The following ARFIP1 variants were observed in gnomAD, a reference collection of about 807,000 sequenced individuals.
ARFIP1 encodes arfaptin-1.
A neutral mutation model predicts 42.5 loss-of-function variants in ARFIP1; 24 were observed. That is an observed-to-expected ratio of 0.57 (90% CI 0.41 to 0.80). The LOEUF (loss-of-function observed/expected upper bound fraction) is 0.80, where lower values mean the gene tolerates loss of function less well. Among genes scored for constraint, ARFIP1 ranks in the 30% least tolerant of loss-of-function variants. The pLI is 0.00. For missense variants in ARFIP1, 354 were observed against 434.0 expected (o/e 0.82, Z 1.64); for synonymous variants, 141 against 153.7 (o/e 0.92, Z 0.61).
intron 7 of ARFIP1, among the ~76,000 whole-genome samples, chr4:152,887,645 A>C (rs1226613865): frequency 6.6e-6 from 1 of 152,106 alleles, no homozygotes; most frequent in Admixed American, 6.6e-5. Flanking sequence ...ATTTCATTGT[A>C]ACTACTAGAA....
rs548030702 is a variant in ARFIP1, at chr4:152,903,341, A to G, written c.967-6723A>G. Among the ~76,000 whole-genome samples the G allele has an allele frequency of 2.6e-5, 4 of 152,340 alleles. No individual in the cohort carries two copies. In the South Asian group the frequency reaches 8.3e-4, roughly 32 times the overall value. ...ACACTACCAAAGTTAAGCTTGTACT[A>G]CATTACAGTAACCAATACTAATAGA... On this transcript the variant is annotated intron_variant, in intron 8 of 8. Transcript: ENST00000353617.
At position 152,903,626 on chromosome 4, in the gene ARFIP1, A is replaced by C. The variant is rs559921246; in HGVS notation, c.967-6438A>C. ...CAGTCTTCTAACAATTACTGGGAGA[A>C]TGTTTCTTGTGTATATGGGTATTGT... is the stretch of plus-strand genomic sequence containing the variant. On this transcript the variant is annotated intron_variant, in intron 8 of 8. Transcript: ENST00000353617. Among the ~76,000 whole-genome samples the C allele has an allele frequency of 1.6e-3, 244 of 152,228 alleles. 3 individuals are homozygous for C. The highest frequency in any genetic ancestry group is 0.016 in the Admixed American group (243 of 15,282).
chr4:152,897,985 T>C lies in ARFIP1; in HGVS notation c.966+9678T>C, dbSNP rs78017759. ...TAAGAATTTGACTTTGCAATGTTCT[T>C]TTTTTTTTTTTTTTTTTGAGACGAG... On this transcript the variant is annotated intron_variant, in intron 8 of 8. Coordinates refer to ENST00000353617, the MANE Select transcript of ARFIP1 (RefSeq NM_001025595.3). 2.1e-5 allele frequency among the ~76,000 whole-genome samples: 3 copies of C among 142,762 alleles called. No individual in the cohort carries two copies. In the East Asian group the frequency reaches 5.9e-4, roughly 28 times the overall value. The allele number at this position is 142,762 out of a possible 152,430, so 93.7% of individuals were successfully genotyped here.
intron 4 of ARFIP1, 42 bp downstream of exon 4, chr4:152,870,890 C>G (rs1708403783): frequency 6.8e-7 from 1 of 1,476,968 alleles, no homozygotes. Flanking sequence ...ATTGCTACTG[C>G]TGAAGCTACA....
intron 1 of ARFIP1, among the ~76,000 whole-genome samples, chr4:152,827,204 A>G (rs1369964067): frequency 2.0e-5 from 3 of 152,336 alleles, no homozygotes; most frequent in East Asian, 1.9e-4. Flanking sequence ...TCTAGGAACA[A>G]TTCTTTCATA....
At chr4:152,904,242 G>A (rs1385953504) in intron 8 of ARFIP1, among the ~76,000 whole-genome samples, 4 of 148,974 alleles carry the variant, frequency 2.7e-5, no homozygotes, top group African/African-American at 9.9e-5. Context: ...CCAGGCTGGA[G>A]TGCAGTGGCG....
chr4:152,859,880 T>C (rs1392354609), intron 2 of ARFIP1, among the ~76,000 whole-genome samples: 3 of 150,970 alleles, frequency 2.0e-5, no homozygotes, highest in Non-Finnish European at 4.4e-5. Flanking sequence ...GTTAATTATA[T>C]GGTTAGTTTC....
chr4:152,785,813 T>G (rs1486989632), intron 1 of ARFIP1, among the ~76,000 whole-genome samples: 1 of 152,216 alleles, frequency 6.6e-6, no homozygotes, highest in Non-Finnish European at 1.5e-5. Flanking sequence ...GCTATTTAAG[T>G]TAGTTAAAAT....
rs201739237 is a variant in ARFIP1, at chr4:152,874,663, C to CTGTT, written c.411+2115_411+2118dup. Among the ~76,000 whole-genome samples the CTGTT allele has an allele frequency of 9.6e-3, 1,458 of 152,110 alleles. 31 individuals carry two copies. The highest frequency in any genetic ancestry group is 0.033 in the African/African-American group (1,357 of 41,472). On this transcript the variant is annotated intron_variant, in intron 5 of 8. Coordinates refer to ENST00000353617, the MANE Select transcript of ARFIP1 (RefSeq NM_001025595.3). ...CAGGACTGTGCTTGTTATCCATTTACTGTTTGTTTGTTTGTTTGTGTAGAT... is the reference window on the plus strand; with the variant it reads ...CAGGACTGTGCTTGTTATCCATTTACTGTTTGTTTGTTTGTTTGTTTGTGTAGAT...
At chr4:152,804,419 A>ATATTATATATAATATAACATG (rs1728812865) in intron 1 of ARFIP1, among the ~76,000 whole-genome samples, 1 of 108,236 alleles carries the variant, frequency 9.2e-6, no homozygotes, top group African/African-American at 4.0e-5. Flanking sequence ...CATGTATTAT[A>ATATTATATATAATATAACATG]TATTATATAT....
At chr4:152,845,126 A>G (rs112845389) in intron 2 of ARFIP1, among the ~76,000 whole-genome samples, 104 of 152,358 alleles carry the variant, frequency 6.8e-4, no homozygotes, top group African/African-American at 2.4e-3. Flanking sequence ...TTTCTATTCA[A>G]TAAATGGTGA....
intron 2 of ARFIP1, among the ~76,000 whole-genome samples, chr4:152,839,855 T>C (rs1731924328): frequency 2.0e-5 from 3 of 152,222 alleles, no homozygotes; most frequent in South Asian, 2.1e-4. Flanking sequence ...CTTGTTTCTC[T>C]AGTTCCTTGA....
At chr4:152,782,574 AT>A (rs985314846) in intron 1 of ARFIP1, among the ~76,000 whole-genome samples, 41 of 152,112 alleles carry the variant, frequency 2.7e-4, no homozygotes, top group Admixed American at 8.5e-4. Context: ...TTCTAGTTGT[AT>A]TTTGCTTTCA....
intron 2 of ARFIP1, among the ~76,000 whole-genome samples, chr4:152,848,959 A>G (rs1184694450): frequency 6.6e-6 from 1 of 152,198 alleles, no homozygotes; most frequent in African/African-American, 2.4e-5. Flanking sequence ...GGGCTTTTTC[A>G]GAGAGCCAGT....
chr4:152,897,538 G>C (rs950136847), intron 8 of ARFIP1, among the ~76,000 whole-genome samples: 1 of 152,146 alleles, frequency 6.6e-6, no homozygotes, highest in Non-Finnish European at 1.5e-5. Flanking sequence ...AGTAGGATTA[G>C]AGTTTCTTAT....
At chr4:152,868,700 A>G (rs1199803276) in intron 3 of ARFIP1, among the ~76,000 whole-genome samples, 2 of 152,188 alleles carry the variant, frequency 1.3e-5, no homozygotes, top group African/African-American at 4.8e-5. Flanking sequence ...GGGTCAAGAC[A>G]TGGAAGTACA....
At chr4:152,786,134 C>G (rs1238445574) in intron 1 of ARFIP1, among the ~76,000 whole-genome samples, 1 of 152,162 alleles carries the variant, frequency 6.6e-6, no homozygotes, top group Non-Finnish European at 1.5e-5. Flanking sequence ...AAGTCTAAGT[C>G]TAACATTTTT....
intron 1 of ARFIP1, among the ~76,000 whole-genome samples, chr4:152,798,005 C>G (rs1357401125): frequency 2.0e-5 from 3 of 152,268 alleles, no homozygotes; most frequent in African/African-American, 7.2e-5. Context: ...TGCCTGTAAT[C>G]CTAGCACTTT....
chr4:152,889,435 C>A (rs1371488552), intron 8 of ARFIP1, among the ~76,000 whole-genome samples: 1 of 144,660 alleles, frequency 6.9e-6, no homozygotes, highest in Non-Finnish European at 1.5e-5. Flanking sequence ...ATCATTCAGA[C>A]AGAGCCCAGT....
Sources: allele counts gnomAD v4.1 joint callset (sites outside exome capture counted in the v4.1 genomes callset), GRCh38; gene constraint gnomAD v4.1.1; transcripts MANE v1.5; gene names NCBI Gene and HGNC (gene_info 2026-07-23, HGNC 2026-07-21).